THBS2: variants seen among roughly 807,000 people sequenced by gnomAD.
THBS2 encodes thrombospondin-2.
Under a neutral mutation model 135.2 loss-of-function variants are expected in THBS2, and 47 were observed. That is an observed-to-expected ratio of 0.35 (90% CI 0.28 to 0.44). The LOEUF is 0.44. THBS2 is among the 20% of genes least tolerant of loss of function. THBS2 has a pLI of 1.00. For synonymous variants in THBS2, 639 were observed against 633.8 expected, an observed-to-expected ratio of 1.01 and a Z score of -0.12; for missense variants, 1,288 against 1,603.1, an observed-to-expected ratio of 0.80 and a Z score of 3.36.
chr6:169,228,023 GT>G, intron 15 of THBS2, 98 bp downstream of exon 15: 1 of 1,416,634 alleles, frequency 7.1e-7, no homozygotes. Context: ...GGAGATCGCA[GT>G]GAGCCAAGAT....
chr6:169,252,608 C>T lies in THBS2; in HGVS notation c.-23+1116G>A, dbSNP rs1780792605. ...CAGGAGGCTAACAAAGCATCCCCTG[C>T]TGCGGATTGTCAAAGGACAGTGAGG... is the stretch of plus-strand genomic sequence containing the variant. On this transcript the variant is annotated intron_variant, in intron 1 of 21. Coordinates refer to ENST00000617924, the MANE Select transcript of THBS2 (RefSeq NM_003247.5). The surrounding 1 kb of genome is among the most constrained non-coding windows in gnomAD (Gnocchi z 4.3). 6.6e-6 allele frequency among the ~76,000 whole-genome samples: 1 copy of T among 152,218 alleles called. No individual in the cohort carries two copies. The highest frequency in any genetic ancestry group is 2.4e-5 in the African/African-American group (1 of 41,452).
intron 4 of THBS2, 62 bp from the exon 5 acceptor site, chr6:169,242,020 G>A: frequency 6.5e-7 from 1 of 1,535,396 alleles, no homozygotes; most frequent in Admixed American, 1.8e-5. Context: ...GCAGGGGCTG[G>A]GAACAGAGGG....
intron 19 of THBS2, among the ~76,000 whole-genome samples, chr6:169,221,781 A>T (rs1316469585): frequency 1.3e-5 from 2 of 152,110 alleles, no homozygotes; most frequent in Non-Finnish European, 2.9e-5. Context: ...CAGGCACCTG[A>T]TCCTCAGATT....
At chr6:169,227,439 C>T (rs55688119) in intron 15 of THBS2, among the ~76,000 whole-genome samples, 25,205 of 152,194 alleles carry the variant, frequency 0.17, 2,385 homozygotes, top group East Asian at 0.4. Flanking sequence ...AATACACCCA[C>T]GTTATTCTAA....
At chr6:169,242,599 CA>C (rs1261404941) in intron 4 of THBS2, among the ~76,000 whole-genome samples, 10 of 99,378 alleles carry the variant, frequency 1.0e-4, no homozygotes, top group South Asian at 3.9e-4. Flanking sequence ...CACCTTCCCA[CA>C]TTCCCACCTT....
rs1007225970 is a variant in THBS2, at chr6:169,234,150, C to T, written c.1651+584G>A. On this transcript the variant is annotated intron_variant, in intron 10 of 21. Coordinates refer to ENST00000617924, the MANE Select transcript of THBS2 (RefSeq NM_003247.5). ...ACATGCCACGTTTCACACTACACAA[C>T]TACATATTCCAGACCACACAACCAC... 6.6e-5 allele frequency among the ~76,000 whole-genome samples: 10 copies of T among 151,090 alleles called. 1 individual carries two copies. Among genetic ancestry groups the T allele is most frequent in the African/African-American group, 2.4e-4 (10 of 41,056 alleles).
At position 169,223,274 on chromosome 6, in the gene THBS2, G is replaced by T; in HGVS notation, c.2975C>A (p.Ala992Asp). The change falls in exon 18 of 22, where the codon GCC (alanine) becomes GAC (aspartate). Residue 992 changes from alanine (A) to aspartate (D), a missense_variant. Physicochemically the swap from Ala to Asp is moderately radical, Grantham distance 126. Coordinates refer to ENST00000617924, the MANE Select transcript of THBS2 (RefSeq NM_003247.5). ...RHQGKELVQTANSDPGIAVGF... is the reference protein window; with the variant it reads ...RHQGKELVQTDNSDPGIAVGF... ...TACAGCGATGCCGGGGTCCGAGTTG[G>T]CTGTCTGAACCAGCTCCTTGCCTTG... 6.2e-7 allele frequency: 1 copy of T among 1,613,878 alleles called. No homozygotes were observed.
At chr6:169,248,335 C>G (rs1780628690) in intron 3 of THBS2, 82 bp downstream of exon 3, 1 of 1,464,864 alleles carries the variant, frequency 6.8e-7, no homozygotes. Flanking sequence ...GCTCAAGCAT[C>G]GCATCACCAG....
At chr6:169,239,811 C>G in intron 6 of THBS2, 116 bp from the exon 7 acceptor site, 2 of 758,588 alleles carry the variant, frequency 2.6e-6, no homozygotes, top group Non-Finnish European at 4.4e-6. Context: ...TCCTACGGAC[C>G]ATACATTACA....
chr6:169,251,831 C>A (rs1583424156), intron 1 of THBS2, among the ~76,000 whole-genome samples: 1 of 41,970 alleles, frequency 2.4e-5, no homozygotes, highest in Non-Finnish European at 4.4e-5. Flanking sequence ...GCTGCTGGGA[C>A]CCCCCCCCCA....
intron 1 of THBS2, among the ~76,000 whole-genome samples, chr6:169,251,431 T>C (rs1780750797): frequency 6.6e-6 from 1 of 152,224 alleles, no homozygotes; most frequent in African/African-American, 2.4e-5. Flanking sequence ...CAGGCCTGTT[T>C]TTCCATTCTT....
Position 169,232,661 on chromosome 6 carries a change from T to A in THBS2, c.1932+3A>T. 1 of 1,597,894 alleles carries A rather than the reference T, an allele frequency of 6.3e-7. No homozygotes were observed. Among genetic ancestry groups the A allele is most frequent in the Non-Finnish European group, 8.5e-7 (1 of 1,172,642 alleles). ...ACACACAAGGAAGGCCGGCCTTGCGTACTTGCTTTTCCGTCTTGGCTGCTT... is the reference window on the plus strand; with the variant it reads ...ACACACAAGGAAGGCCGGCCTTGCGAACTTGCTTTTCCGTCTTGGCTGCTT... On this transcript the variant is annotated splice_donor_region_variant and intron_variant, in intron 12 of 21. Coordinates refer to ENST00000617924, the MANE Select transcript of THBS2 (RefSeq NM_003247.5).
chr6:169,237,900 C>T (rs1166244666), intron 7 of THBS2, 105 bp from the exon 8 acceptor site: 8 of 1,355,780 alleles, frequency 5.9e-6, no homozygotes, highest in Non-Finnish European at 7.8e-6. Context: ...TTCATGCATC[C>T]AGGAATCTGA....
chr6:169,237,700 C>T lies in THBS2; in HGVS notation c.1225G>A (p.Asp409Asn), dbSNP rs1780150124. ...CCCAAGCAGGTGTTGCTGGTGACGTCACAGGACCGGCCTCTCTGCTGGGTC... is the reference window on the plus strand; with the variant it reads ...CCCAAGCAGGTGTTGCTGGTGACGTTACAGGACCGGCCTCTCTGCTGGGTC... ...SGTQQRGRSC[D>N]VTSNTCLGPS... Residue 409 changes from aspartate to asparagine, a missense_variant, in exon 8 of 22, where the codon GAC (aspartate) becomes AAC (asparagine). By Grantham distance (23) the Asp-to-Asn change is conservative. This residue lies in a region of THBS2 where 874 missense variants were observed against 1,156.1 expected (regional missense o/e 0.76). Coordinates refer to ENST00000617924, the MANE Select transcript of THBS2 (RefSeq NM_003247.5). The T allele has an allele frequency of 6.2e-7, 1 of 1,612,856 alleles. No homozygotes were observed. The highest frequency in any genetic ancestry group is 1.7e-5 in the Admixed American group (1 of 60,010).
At chr6:169,242,016 G>T in intron 4 of THBS2, 58 bp from the exon 5 acceptor site, 6 of 1,543,804 alleles carry the variant, frequency 3.9e-6, no homozygotes, top group Non-Finnish European at 4.4e-6. Context: ...AGCAGCAGGG[G>T]CTGGGAACAG....
At chr6:169,248,263 A>G (rs1780625726) in intron 3 of THBS2, among the ~76,000 whole-genome samples, 154 bp downstream of exon 3, 1 of 152,088 alleles carries the variant, frequency 6.6e-6, no homozygotes, top group South Asian at 2.1e-4. Flanking sequence ...TGGTGTGTGC[A>G]CGCATGTGTG....
At chr6:169,250,206 A>G (rs903181209) in intron 2 of THBS2, among the ~76,000 whole-genome samples, 4 of 152,252 alleles carry the variant, frequency 2.6e-5, no homozygotes, top group African/African-American at 9.6e-5. Context: ...CAGCAATTCT[A>G]ATTTTGTAAC....
intron 18 of THBS2, among the ~76,000 whole-genome samples, chr6:169,222,806 A>G (rs372591349): frequency 1.2e-4 from 8 of 67,976 alleles, no homozygotes; most frequent in Admixed American, 5.8e-4. Context: ...AAAAAAAAAA[A>G]AGAAAAAAAA....
At position 169,241,048 on chromosome 6, in the gene THBS2, C is replaced by T. The variant is rs1402810442; in HGVS notation, c.892-456G>A. ...CCCTGCCCCAGGCTCCTGCCCTCGC[C>T]GCCCTCCCTGCCCCGGACTCCTGCC... On this transcript the variant is annotated intron_variant, in intron 5 of 21. Coordinates refer to ENST00000617924, the MANE Select transcript of THBS2 (RefSeq NM_003247.5). The surrounding 1 kb of genome is among the most constrained non-coding windows in gnomAD (Gnocchi z 5.5). Among the ~76,000 whole-genome samples the T allele has an allele frequency of 5.9e-5, 9 of 151,402 alleles. No individual in the cohort carries two copies. The highest frequency in any genetic ancestry group is 1.2e-4 in the Non-Finnish European group (8 of 67,816).
Sources: allele counts gnomAD v4.1 joint callset (sites outside exome capture counted in the v4.1 genomes callset), GRCh38; gene constraint gnomAD v4.1.1; regional missense constraint gnomAD v4.1.1; non-coding constraint Gnocchi (gnomAD v3.1); transcripts MANE v1.5; gene names NCBI Gene and HGNC (gene_info 2026-07-23, HGNC 2026-07-21).